The following NEGR1 variants were observed in gnomAD, a reference collection of about 807,000 sequenced individuals.
NEGR1 encodes IgLON family member 4.
NEGR1 carries 10 observed loss-of-function variants against 40.9 expected under a neutral mutation model. That is an observed-to-expected ratio of 0.24 (90% CI 0.15 to 0.42). The LOEUF (loss-of-function observed/expected upper bound fraction) is 0.42. NEGR1 is among the 10% of genes least tolerant of loss of function. The probability of loss-of-function intolerance (pLI) is 1.00; values close to 1 mark genes in which losing one functional copy is unlikely to be tolerated. For synonymous variants in NEGR1, 185 were observed against 166.8 expected, an observed-to-expected ratio of 1.11 and a Z score of -0.84; for missense variants, 352 against 438.9, an observed-to-expected ratio of 0.80 and a Z score of 1.77.
intron 1 of NEGR1, among the ~76,000 whole-genome samples, chr1:71,958,820 T>G (rs1646139069): frequency 6.6e-6 from 1 of 152,030 alleles, no homozygotes; most frequent in Non-Finnish European, 1.5e-5. Context: ...CTGGGCGTGG[T>G]GGCAGGTGCC....
chr1:72,105,869 G>C (rs941036606), intron 1 of NEGR1, among the ~76,000 whole-genome samples: 1 of 152,056 alleles, frequency 6.6e-6, no homozygotes, highest in African/African-American at 2.4e-5. Flanking sequence ...TTTCATAACA[G>C]AATAGAGGGC....
chr1:71,831,668 T>C (rs1444210571), intron 2 of NEGR1, among the ~76,000 whole-genome samples: 1 of 151,810 alleles, frequency 6.6e-6, no homozygotes, highest in Admixed American at 6.6e-5. Context: ...ATACTATTAG[T>C]GGATGCTACA....
chr1:71,943,037 C>CATATATATGTGT lies in NEGR1; in HGVS notation c.177-7738_177-7727dup, dbSNP rs1246472967. On this transcript the variant is annotated intron_variant, in intron 1 of 6. Coordinates refer to ENST00000357731, the MANE Select transcript of NEGR1 (RefSeq NM_173808.3). Reference sequence around the variant, plus strand: ...ATATGTGTATATATATACACACATACATATATATGTGTATATATATGTGTG... The same window carrying CATATATATGTGT: ...ATATGTGTATATATATACACACATACATATATATGTGTATATATATGTGTATATATATGTGTG... Among the ~76,000 whole-genome samples the CATATATATGTGT allele has an allele frequency of 1.7e-3, 205 of 123,026 alleles. 1 individual carries two copies. The highest frequency in any genetic ancestry group is 0.011 in the Middle Eastern group (2 of 174). The allele number at this position is 123,026 out of a possible 152,430, so 80.7% of individuals were successfully genotyped here. A position where few individuals can be genotyped will look rare whatever the true frequency, so the allele number is the denominator to read the frequency against.
rs146727425 is a variant in NEGR1 at position 72,157,764 on chromosome 1, G to A, written c.176+124555C>T. 4.2e-4 allele frequency among the ~76,000 whole-genome samples: 64 copies of A among 152,218 alleles called. 3 individuals carry two copies. In the South Asian group the frequency reaches 0.011, roughly 26 times the overall value. ...TACCACTTCATCATGTGAGGACTGCGAGTCATTAAACTGACATACAGGTTA... is the reference window on the plus strand; with the variant it reads ...TACCACTTCATCATGTGAGGACTGCAAGTCATTAAACTGACATACAGGTTA... On this transcript the variant is annotated intron_variant, in intron 1 of 6. Transcript: ENST00000357731.
At chr1:72,039,875 G>T (rs1235979925) in intron 1 of NEGR1, among the ~76,000 whole-genome samples, 1 of 151,848 alleles carries the variant, frequency 6.6e-6, no homozygotes, top group Admixed American at 6.6e-5. Context: ...TGACCATTTT[G>T]GCAATCTATT....
intron 1 of NEGR1, among the ~76,000 whole-genome samples, chr1:72,167,507 T>C: frequency 6.6e-6 from 1 of 152,264 alleles, no homozygotes; most frequent in East Asian, 1.9e-4. Context: ...AGAAATCATA[T>C]ATAGTGTTAT....
chr1:71,930,076 T>G (rs549348982), intron 2 of NEGR1, among the ~76,000 whole-genome samples: 3 of 152,186 alleles, frequency 2.0e-5, no homozygotes, highest in Non-Finnish European at 4.4e-5. Flanking sequence ...GGTTCTAAAA[T>G]TTATTCATAG....
At chr1:72,254,646 G>A (rs1276310748) in intron 1 of NEGR1, among the ~76,000 whole-genome samples, 2 of 148,470 alleles carry the variant, frequency 1.3e-5, no homozygotes, top group Non-Finnish European at 3.0e-5. Flanking sequence ...AGCTTGAAGT[G>A]AGCTGAGATA....
intron 1 of NEGR1, among the ~76,000 whole-genome samples, chr1:71,986,504 C>G (rs1364931324): frequency 2.0e-5 from 3 of 152,194 alleles, no homozygotes; most frequent in Admixed American, 6.5e-5. Context: ...CCCACTCAGT[C>G]CTGCTCCCAT....
chr1:72,213,080 A>C (rs1432746230), intron 1 of NEGR1, among the ~76,000 whole-genome samples: 3 of 151,926 alleles, frequency 2.0e-5, no homozygotes, highest in Non-Finnish European at 2.9e-5. Flanking sequence ...GCATAAAATA[A>C]GCATTATTTT....
chr1:71,523,224 G>T (rs1033980398), intron 6 of NEGR1, among the ~76,000 whole-genome samples: 9 of 151,676 alleles, frequency 5.9e-5, no homozygotes, highest in Admixed American at 3.3e-4. Context: ...GTAAGTTTGG[G>T]TTGTTGGGTT....
chr1:72,185,025 A>T (rs578184246), intron 1 of NEGR1, among the ~76,000 whole-genome samples: 1 of 152,090 alleles, frequency 6.6e-6, no homozygotes, highest in South Asian at 2.1e-4. Flanking sequence ...TTATTTTTAA[A>T]GCCAGGATAA....
intron 1 of NEGR1, among the ~76,000 whole-genome samples, chr1:72,277,389 A>G (rs1393460176): frequency 4.6e-5 from 7 of 152,340 alleles, no homozygotes; most frequent in Middle Eastern, 3.4e-3. Context: ...ATTTAATTGC[A>G]AAGTCTATCT....
chr1:71,535,316 G>A (rs1016364499), intron 6 of NEGR1, among the ~76,000 whole-genome samples: 4 of 151,506 alleles, frequency 2.6e-5, no homozygotes, highest in Admixed American at 2.0e-4. Flanking sequence ...TGAAAAAGAC[G>A]GGTGGCATAC....
At chr1:71,506,941 A>C (rs1373822128) in intron 6 of NEGR1, among the ~76,000 whole-genome samples, 2 of 152,232 alleles carry the variant, frequency 1.3e-5, no homozygotes. Flanking sequence ...ACCAGGCCCT[A>C]AAGCTCCTTG....
intron 4 of NEGR1, among the ~76,000 whole-genome samples, chr1:71,667,984 T>C (rs900970034): frequency 6.6e-6 from 1 of 152,234 alleles, no homozygotes; most frequent in Non-Finnish European, 1.5e-5. Flanking sequence ...ATAATACATA[T>C]GAATGTATTA....
At chr1:71,784,680 C>G (rs1212844319) in intron 2 of NEGR1, among the ~76,000 whole-genome samples, 1 of 152,176 alleles carries the variant, frequency 6.6e-6, no homozygotes, top group Non-Finnish European at 1.5e-5. Context: ...CTTCTATTTT[C>G]TCTTTCTCTC....
intron 1 of NEGR1, among the ~76,000 whole-genome samples, chr1:71,943,129 GTA>G (rs1645986048): frequency 7.0e-6 from 1 of 143,018 alleles, no homozygotes; most frequent in South Asian, 2.2e-4. Flanking sequence ...ATACATATGT[GTA>G]TGTGTGTGTA....
intron 1 of NEGR1, among the ~76,000 whole-genome samples, chr1:72,271,708 A>T (rs748346512): frequency 4.6e-5 from 7 of 151,888 alleles, no homozygotes; most frequent in African/African-American, 1.7e-4. Context: ...CATCCACCCA[A>T]ATTTCAACTG....
Sources: gnomAD v4.1 joint callset for allele counts (sites outside exome capture counted in the v4.1 genomes callset) on GRCh38, gnomAD v4.1.1 for gene constraint, MANE v1.5 for transcripts, NCBI Gene and HGNC (gene_info 2026-07-23, HGNC 2026-07-21) for gene names.